CSMD1: variants seen among roughly 807,000 people sequenced by gnomAD.
The protein encoded by CSMD1 is CUB and Sushi multiple domains 1.
CSMD1 carries 213 observed loss-of-function variants against 417.5 expected under a neutral mutation model. The observed-to-expected ratio is 0.51, with a 90% CI of 0.46 to 0.57. The LOEUF is 0.57. CSMD1 is among the 20% of genes least tolerant of loss of function. The pLI is 0.00. For missense variants in CSMD1, 6,923 were observed against 4,529.7 expected (o/e 1.53, Z -15.17); for synonymous variants, 2,862 against 1,736.8 (o/e 1.65, Z -16.11).
Position 3,868,813 on chromosome 8 carries a change from T to G in CSMD1, c.819-114771A>C, listed in dbSNP as rs185262825. Among the ~76,000 whole-genome samples the G allele has an allele frequency of 6.6e-5, 10 of 152,316 alleles. No homozygotes were observed. In the East Asian group the frequency reaches 1.9e-3, roughly 29 times the overall value. ...AATATAAGTAGAATCTGATCAGTCG[T>G]GTTTCATGGCCAATGTGCTCATCCA... On this transcript the variant is annotated intron_variant, in intron 5 of 69. Transcript: ENST00000635120.
intron 3 of CSMD1, among the ~76,000 whole-genome samples, chr8:4,238,306 G>C (rs1008255726): frequency 6.6e-6 from 1 of 152,158 alleles, no homozygotes; most frequent in Non-Finnish European, 1.5e-5. Context: ...CTCCTTCTCA[G>C]CTTGGTCCTC....
intron 7 of CSMD1, among the ~76,000 whole-genome samples, chr8:3,658,652 G>A (rs1449661140): frequency 1.3e-5 from 2 of 151,784 alleles, no homozygotes; most frequent in Non-Finnish European, 2.9e-5. Context: ...GCGTGGTGGT[G>A]CGTGCCTGTA....
At chr8:3,456,093 C>T (rs759684705) in intron 12 of CSMD1, among the ~76,000 whole-genome samples, 10 of 152,146 alleles carry the variant, frequency 6.6e-5, no homozygotes, top group Non-Finnish European at 1.2e-4. Flanking sequence ...CCTTCATGGG[C>T]GTAGGACCCT....
intron 10 of CSMD1, among the ~76,000 whole-genome samples, chr8:3,566,238 A>G (rs1256884564): frequency 6.6e-6 from 1 of 152,126 alleles, no homozygotes; most frequent in East Asian, 1.9e-4. Flanking sequence ...GGATGAGAAA[A>G]AGGAGGATGA....
At chr8:4,713,049 A>G (rs1808411441) in intron 1 of CSMD1, among the ~76,000 whole-genome samples, 1 of 152,232 alleles carries the variant, frequency 6.6e-6, no homozygotes, top group Admixed American at 6.5e-5. Context: ...ATACTGGGAA[A>G]GGTCTTCTGC....
intron 12 of CSMD1, among the ~76,000 whole-genome samples, chr8:3,412,812 T>C (rs1336196795): frequency 6.6e-6 from 1 of 152,234 alleles, no homozygotes; most frequent in Non-Finnish European, 1.5e-5. Flanking sequence ...TACTTAAATT[T>C]AATGCTTGGG....
chr8:4,495,640 G>C (rs774468839), intron 2 of CSMD1, among the ~76,000 whole-genome samples: 1 of 152,122 alleles, frequency 6.6e-6, no homozygotes, highest in Non-Finnish European at 1.5e-5. Context: ...TGCAGACCTT[G>C]TGGAAGAATA....
chr8:4,420,962 GA>G (rs1797219129), intron 2 of CSMD1, among the ~76,000 whole-genome samples: 1 of 152,076 alleles, frequency 6.6e-6, no homozygotes, highest in African/African-American at 2.4e-5. Flanking sequence ...AATTCACGGG[GA>G]TCTTCAACTC....
chr8:4,046,408 T>C (rs1349449659), intron 3 of CSMD1, among the ~76,000 whole-genome samples: 1 of 152,218 alleles, frequency 6.6e-6, no homozygotes, highest in South Asian at 2.1e-4. Flanking sequence ...ATGATTTTCA[T>C]ATTCATTCAA....
intron 39 of CSMD1, among the ~76,000 whole-genome samples, chr8:3,151,751 C>T (rs1246102209): frequency 6.6e-6 from 1 of 152,198 alleles, no homozygotes; most frequent in Non-Finnish European, 1.5e-5. Flanking sequence ...CTTCTCCTCT[C>T]ACACTCAAAG....
intron 5 of CSMD1, among the ~76,000 whole-genome samples, chr8:3,804,232 T>A (rs1241551963): frequency 6.6e-6 from 1 of 152,054 alleles, no homozygotes; most frequent in Non-Finnish European, 1.5e-5. Context: ...ACACCAAGCC[T>A]AGAGACAAAA....
At chr8:4,490,647 C>A (rs929045414) in intron 2 of CSMD1, among the ~76,000 whole-genome samples, 3 of 152,074 alleles carry the variant, frequency 2.0e-5, no homozygotes, top group African/African-American at 4.8e-5. Context: ...GCCCATTTGA[C>A]CCATGCTCAG....
At chr8:4,899,505 A>G (rs1161902189) in intron 1 of CSMD1, among the ~76,000 whole-genome samples, 1 of 152,106 alleles carries the variant, frequency 6.6e-6, no homozygotes, top group Non-Finnish European at 1.5e-5. Flanking sequence ...GTTAGATCTC[A>G]TTGTCTCACA....
In CSMD1 at chr8:4,755,929, C is replaced by T. The variant is rs115788502; in HGVS notation, c.86-118371G>A. Among the ~76,000 whole-genome samples the T allele has an allele frequency of 3.5e-3, 531 of 152,290 alleles. 2 individuals carry two copies. The highest frequency in any genetic ancestry group is 0.012 in the African/African-American group (509 of 41,558). On this transcript the variant is annotated intron_variant, in intron 1 of 69. Coordinates refer to ENST00000635120, the MANE Select transcript of CSMD1 (RefSeq NM_033225.6). ...TTTTTCCTTTCCAGTGAACTCTACA[C>T]ATTACCTAAAACACTGGTTTCATTG...
chr8:3,740,975 G>A (rs1337482581), intron 6 of CSMD1, among the ~76,000 whole-genome samples: 1 of 152,024 alleles, frequency 6.6e-6, no homozygotes, highest in Non-Finnish European at 1.5e-5. Context: ...CAGCACTTTG[G>A]AGGCCAAGGT....
intron 4 of CSMD1, among the ~76,000 whole-genome samples, chr8:4,009,221 C>T (rs1310114887): frequency 2.0e-5 from 3 of 152,276 alleles, no homozygotes; most frequent in Admixed American, 6.5e-5. Flanking sequence ...AAGTGCAAAT[C>T]AGAATGAACT....
intron 3 of CSMD1, among the ~76,000 whole-genome samples, chr8:4,179,886 T>A (rs542846751): frequency 6.6e-6 from 1 of 152,226 alleles, no homozygotes; most frequent in African/African-American, 2.4e-5. Flanking sequence ...AGATACCATC[T>A]CACACCAGTT....
chr8:3,586,355 T>TTAGGC, intron 8 of CSMD1, 95 bp from the exon 9 acceptor site: 10 of 1,252,750 alleles, frequency 8.0e-6, no homozygotes, highest in Admixed American at 5.4e-5. Flanking sequence ...TGCTACGATC[T>TTAGGC]TGTTCAGTTA....
intron 1 of CSMD1, among the ~76,000 whole-genome samples, chr8:4,644,964 T>C (rs1038062): frequency 0.66 from 100,096 of 152,078 alleles, 33,230 homozygotes; most frequent in South Asian, 0.78. Flanking sequence ...TGCACACTCA[T>C]AGGGAAGCAG....
Sources: allele counts gnomAD v4.1 joint callset (sites outside exome capture counted in the v4.1 genomes callset), GRCh38; gene constraint gnomAD v4.1.1; transcripts MANE v1.5; gene names NCBI Gene and HGNC (gene_info 2026-07-23, HGNC 2026-07-21).